MAST4: variants seen among roughly 807,000 people sequenced by gnomAD.
The protein encoded by MAST4 is microtubule-associated serine/threonine-protein kinase 4.
In MAST4, 89 loss-of-function variants were observed where a neutral mutation model predicts 162.7. The observed-to-expected ratio is 0.55, with a 90% CI of 0.46 to 0.65. MAST4 has a LOEUF of 0.65. MAST4 is among the 30% of genes least tolerant of loss of function. The probability of loss-of-function intolerance (pLI) is 0.00; values close to 1 mark genes in which losing one functional copy is unlikely to be tolerated. For synonymous variants in MAST4, 1,479 were observed against 1,361.1 expected (o/e 1.09, Z -1.91); for missense variants, 3,153 against 3,374.0 (o/e 0.93, Z 1.62).
At chr5:66,826,183 A>C (rs1364477918) in intron 3 of MAST4, among the ~76,000 whole-genome samples, 1 of 151,828 alleles carries the variant, frequency 6.6e-6, no homozygotes, top group African/African-American at 2.4e-5. Context: ...TATTTCTTTA[A>C]AATGTATGTG....
intron 4 of MAST4, among the ~76,000 whole-genome samples, chr5:67,003,205 G>A (rs1398288807): frequency 6.6e-6 from 1 of 152,044 alleles, no homozygotes; most frequent in Non-Finnish European, 1.5e-5. Flanking sequence ...TTGTCATTTA[G>A]TGTCCCTGAA....
At chr5:67,003,018 A>C (rs1366012693) in intron 4 of MAST4, among the ~76,000 whole-genome samples, 1 of 150,960 alleles carries the variant, frequency 6.6e-6, no homozygotes, top group African/African-American at 2.4e-5. Context: ...TCCTCAGACA[A>C]AGAATTATCC....
chr5:66,765,881 A>C (rs536475793), intron 2 of MAST4, among the ~76,000 whole-genome samples: 1 of 152,208 alleles, frequency 6.6e-6, no homozygotes, highest in South Asian at 2.1e-4. Flanking sequence ...CATTTAAACA[A>C]TAGACCTGGA....
At chr5:66,680,166 A>G (rs1748235020) in intron 1 of MAST4, among the ~76,000 whole-genome samples, 2 of 152,102 alleles carry the variant, frequency 1.3e-5, no homozygotes, top group South Asian at 4.2e-4. Flanking sequence ...CTGAGAATAC[A>G]CTTTGTTCTG....
chr5:66,603,267 A>G (rs960352898), intron 1 of MAST4, among the ~76,000 whole-genome samples: 5 of 152,116 alleles, frequency 3.3e-5, no homozygotes, highest in African/African-American at 1.2e-4. Context: ...TGATTCATTA[A>G]CCCTTCTGTT....
chr5:67,136,796 A>G (rs1448019368), intron 19 of MAST4, 132 bp downstream of exon 19: 6 of 646,340 alleles, frequency 9.3e-6, no homozygotes, highest in Non-Finnish European at 1.4e-5. Flanking sequence ...CATGACTGCA[A>G]CACATTATAG....
chr5:66,673,468 A>C (rs1747737429), intron 1 of MAST4, among the ~76,000 whole-genome samples: 2 of 151,440 alleles, frequency 1.3e-5, no homozygotes, highest in Admixed American at 1.3e-4. Flanking sequence ...CTGAAACATA[A>C]CTTGCTATAT....
At chr5:67,156,083 C>A (rs940098521) in intron 26 of MAST4, among the ~76,000 whole-genome samples, 1 of 149,426 alleles carries the variant, frequency 6.7e-6, no homozygotes, top group Non-Finnish European at 1.5e-5. Flanking sequence ...AAAAAAGACA[C>A]GTAAGGATAA....
intron 4 of MAST4, among the ~76,000 whole-genome samples, chr5:66,905,624 T>C (rs1763307704): frequency 6.6e-6 from 1 of 152,170 alleles, no homozygotes; most frequent in Non-Finnish European, 1.5e-5. Flanking sequence ...TGAGAGGTCC[T>C]CAGAACATGT....
intron 26 of MAST4, among the ~76,000 whole-genome samples, chr5:67,156,250 T>C (rs1306563777): frequency 1.3e-5 from 2 of 151,934 alleles, no homozygotes; most frequent in Admixed American, 6.6e-5. Flanking sequence ...CAGAAGAAGA[T>C]AACAAAGCAA....
intron 22 of MAST4, 70 bp downstream of exon 22, chr5:67,144,866 C>A: frequency 1.3e-6 from 2 of 1,507,630 alleles, no homozygotes; most frequent in Non-Finnish European, 1.8e-6. Context: ...CTTTAGTGAG[C>A]ATCAGAATAC....
chr5:66,896,207 G>A (rs191131680), intron 3 of MAST4, among the ~76,000 whole-genome samples: 1 of 152,204 alleles, frequency 6.6e-6, no homozygotes, highest in East Asian at 1.9e-4. Flanking sequence ...GATGTTTTTA[G>A]AAGGTCCCTC....
intron 3 of MAST4, among the ~76,000 whole-genome samples, chr5:66,802,566 A>T (rs1351259840): frequency 6.6e-6 from 1 of 152,164 alleles, no homozygotes; most frequent in African/African-American, 2.4e-5. Flanking sequence ...TGGGGGCCAT[A>T]TCTGTTTGAA....
At chr5:66,980,675 A>G (rs1748687224) in intron 4 of MAST4, among the ~76,000 whole-genome samples, 1 of 152,262 alleles carries the variant, frequency 6.6e-6, no homozygotes, top group Non-Finnish European at 1.5e-5. Flanking sequence ...GTTTGTTGCA[A>G]GAATATTGCT....
intron 4 of MAST4, among the ~76,000 whole-genome samples, chr5:66,927,802 C>G (rs1765016570): frequency 6.6e-6 from 1 of 152,214 alleles, no homozygotes; most frequent in Admixed American, 6.5e-5. Context: ...AATTTATTAT[C>G]TCACATTCCA....
At chr5:66,997,816 G>A (rs10068079) in intron 4 of MAST4, among the ~76,000 whole-genome samples, 33,811 of 152,084 alleles carry the variant, frequency 0.22, 3,928 homozygotes, top group Admixed American at 0.26. Context: ...ATGAATTAAC[G>A]TTTCTTTTAA....
rs114631276 is a variant in MAST4, at chr5:67,071,194, G to C, written c.763+16702G>C. Among the ~76,000 whole-genome samples the C allele has an allele frequency of 3.7e-3, 556 of 152,256 alleles. 5 individuals are homozygous for C. The highest frequency in any genetic ancestry group is 7.3e-3 in the Admixed American group (112 of 15,294). On this transcript the variant is annotated intron_variant, in intron 5 of 28. Coordinates refer to ENST00000403625, the MANE Select transcript of MAST4 (RefSeq NM_001164664.2). Reference sequence around the variant, plus strand: ...ACTCTGCTCTAGAAATAGTCTTGTGGCTTTTAAATTTTTAAGCAATGAAGG... The same window carrying C: ...ACTCTGCTCTAGAAATAGTCTTGTGCCTTTTAAATTTTTAAGCAATGAAGG...
intron 1 of MAST4, among the ~76,000 whole-genome samples, chr5:66,606,094 G>A (rs1184928167): frequency 2.0e-5 from 3 of 152,076 alleles, no homozygotes; most frequent in Non-Finnish European, 4.4e-5. Context: ...GTCATTCCTT[G>A]TTCTTATTCT....
chr5:66,835,945 G>C (rs770225413), intron 3 of MAST4, among the ~76,000 whole-genome samples: 2 of 152,044 alleles, frequency 1.3e-5, no homozygotes, highest in African/African-American at 4.8e-5. Context: ...CGAGGTGGGC[G>C]GATTGCTTGA....
Sources: gnomAD v4.1 joint callset for allele counts (sites outside exome capture counted in the v4.1 genomes callset) on GRCh38, gnomAD v4.1.1 for gene constraint, MANE v1.5 for transcripts, NCBI Gene and HGNC (gene_info 2026-07-23, HGNC 2026-07-21) for gene names.